Variants in ANXA7 observed in about 807,000 individuals in gnomAD.
The protein encoded by ANXA7 is annexin VII.
A neutral mutation model predicts 64.9 loss-of-function variants in ANXA7; 55 were observed. That is an observed-to-expected ratio of 0.85 (90% CI 0.68 to 1.06). The LOEUF (loss-of-function observed/expected upper bound fraction) is 1.06, where lower values mean the gene tolerates loss of function less well. ANXA7 is among the 50% of genes least tolerant of loss of function. ANXA7 has a pLI of 0.00. For synonymous variants in ANXA7, 200 were observed against 192.4 expected (o/e 1.04, Z -0.33); for missense variants, 548 against 582.1 (o/e 0.94, Z 0.60).
chr10:73,377,945 T>G (rs2055211152), intron 12 of ANXA7, among the ~76,000 whole-genome samples: 1 of 147,106 alleles, frequency 6.8e-6, no homozygotes, highest in Non-Finnish European at 1.5e-5. Flanking sequence ...GCGCGTGTGT[T>G]TTTTGTAGAA....
chr10:73,392,217 C>T (rs2055496018), intron 5 of ANXA7, among the ~76,000 whole-genome samples: 1 of 152,040 alleles, frequency 6.6e-6, no homozygotes, highest in South Asian at 2.1e-4. Context: ...AAGAGCCTAC[C>T]AACCAAAAAA....
intron 5 of ANXA7, among the ~76,000 whole-genome samples, chr10:73,388,733 T>C (rs749267536): frequency 3.9e-5 from 6 of 152,284 alleles, no homozygotes; most frequent in Non-Finnish European, 1.5e-5. Context: ...AAAAGAAGAC[T>C]GATCCCTGAA....
rs761340189 is a variant in ANXA7, at chr10:73,397,264, G to A, written c.270C>T (p.Gly90=). ...CACCTGGTGGGACTCCAAATCCTTG[G>A]CCTGGAGGAACTAGAGAAAAGAACA... The part of the protein sequence containing the change: ...GAPSYPGVPP[G]QGFGVPPGGA... Residue 90 remains glycine, a synonymous_variant, in exon 4 of 13, where the codon GGC becomes GGT. Transcript: ENST00000372921. The A allele has an allele frequency of 6.2e-7, 1 of 1,610,034 alleles. No homozygotes were observed. The highest frequency in any genetic ancestry group is 8.5e-7 in the Non-Finnish European group (1 of 1,177,340).
At chr10:73,378,438 G>GT (rs1020105320) in intron 12 of ANXA7, among the ~76,000 whole-genome samples, 15 of 147,392 alleles carry the variant, frequency 1.0e-4, no homozygotes, top group African/African-American at 3.5e-4. Flanking sequence ...AAAATTTTTT[G>GT]TAAGTGGAGT....
chr10:73,377,773 G>GGGGGGGTGTGTGTGTGT (rs1554815379), intron 12 of ANXA7, among the ~76,000 whole-genome samples: 9 of 124,846 alleles, frequency 7.2e-5, no homozygotes, highest in African/African-American at 2.6e-4. Flanking sequence ...GGTGGGTGTG[G>GGGGGGGTGTGTGTGTGT]GTGTGTGTGT....
chr10:73,413,420 G>A (rs1426349997), intron 1 of ANXA7, among the ~76,000 whole-genome samples: 1 of 152,144 alleles, frequency 6.6e-6, no homozygotes, highest in Non-Finnish European at 1.5e-5. Flanking sequence ...TGGTTTCCTT[G>A]CGCAGTGTTT....
intron 9 of ANXA7, among the ~76,000 whole-genome samples, chr10:73,382,711 C>T (rs1212615335): frequency 6.6e-6 from 1 of 152,098 alleles, no homozygotes; most frequent in Non-Finnish European, 1.5e-5. Context: ...TTCTCCAGCA[C>T]ACCTGGGGAA....
chr10:73,377,775 T>G (rs796534120), intron 12 of ANXA7, among the ~76,000 whole-genome samples: 1,420 of 115,738 alleles, frequency 0.012, 6 homozygotes, highest in African/African-American at 0.023. Flanking sequence ...TGGGTGTGGG[T>G]GTGTGTGTGT....
In ANXA7 at chr10:73,375,500, A is replaced by G. The variant is rs1361296262; in HGVS notation, c.*595T>C. On this transcript the variant is annotated 3_prime_UTR_variant, in exon 13 of 13. Transcript: ENST00000372921. ...ATTTAAAAAAAGAAAACAACTGCGA[A>G]AAAAAAGTAGGCTATGTATCTTAAG... 2.0e-5 allele frequency: 3 copies of G among 152,184 alleles called. No individual in the cohort carries two copies. The highest frequency in any genetic ancestry group is 7.2e-5 in the African/African-American group (3 of 41,450). 9.4% of individuals were successfully genotyped at this position (152,184 alleles called of 1,614,324 possible).
chr10:73,409,371 G>A (rs556161946), intron 1 of ANXA7, among the ~76,000 whole-genome samples: 2 of 152,188 alleles, frequency 1.3e-5, no homozygotes, highest in East Asian at 1.9e-4. Context: ...TACCAAAAAC[G>A]TCCAAGCTGA....
intron 5 of ANXA7, among the ~76,000 whole-genome samples, chr10:73,392,094 A>T (rs921492480): frequency 6.6e-6 from 1 of 152,176 alleles, no homozygotes; most frequent in Admixed American, 6.5e-5. Flanking sequence ...AAACTAGAAA[A>T]TCTAGAAGAG....
In ANXA7 at chr10:73,404,849, G is replaced by A. The variant is rs146607956; in HGVS notation, c.-1-3992C>T. Reference sequence around the variant, plus strand: ...CAAATCTAAAACACGGCCAGGCGCAGTAGTTCACGCCTGTAATCTGAGCAC... The same window carrying A: ...CAAATCTAAAACACGGCCAGGCGCAATAGTTCACGCCTGTAATCTGAGCAC... On this transcript the variant is annotated intron_variant, in intron 1 of 12. Coordinates refer to ENST00000372921, the MANE Select transcript of ANXA7 (RefSeq NM_001156.5). Among the ~76,000 whole-genome samples, 437 of 152,264 alleles carry A rather than the reference G, an allele frequency of 2.9e-3. 3 individuals are homozygous for A. The highest frequency in any genetic ancestry group is 4.9e-3 in the Non-Finnish European group (334 of 68,020).
chr10:73,405,547 C>T (rs1484767448), intron 1 of ANXA7, among the ~76,000 whole-genome samples: 1 of 152,078 alleles, frequency 6.6e-6, no homozygotes, highest in Non-Finnish European at 1.5e-5. Context: ...TCAACAACAA[C>T]AAAAAAATCT....
intron 5 of ANXA7, among the ~76,000 whole-genome samples, chr10:73,390,701 TATATATATATATATATATAAAA>T (rs1027517833): frequency 6.8e-5 from 9 of 133,018 alleles, no homozygotes; most frequent in African/African-American, 2.6e-4. Context: ...AAAATATATA[TATATATATATATATATATAAAA>T]ATATATATAT....
At chr10:73,378,862 A>G (rs368952338) in intron 12 of ANXA7, 49 bp downstream of exon 12, 11 of 1,399,986 alleles carry the variant, frequency 7.9e-6, no homozygotes, top group African/African-American at 7.1e-5. Context: ...TAAGAAATCA[A>G]CATTGAACAT....
chr10:73,390,334 T>C (rs999493925), intron 5 of ANXA7, among the ~76,000 whole-genome samples: 4 of 152,184 alleles, frequency 2.6e-5, no homozygotes, highest in South Asian at 2.1e-4. Flanking sequence ...AACACTTTTA[T>C]GGGTCAATAG....
intron 1 of ANXA7, among the ~76,000 whole-genome samples, chr10:73,405,759 G>A (rs991478662): frequency 2.0e-4 from 30 of 152,140 alleles, no homozygotes; most frequent in African/African-American, 3.4e-4. Flanking sequence ...AAGGTGAGAC[G>A]TAACTGTGAG....
chr10:73,381,077 GC>G (rs1447392832), intron 9 of ANXA7, among the ~76,000 whole-genome samples: 1 of 151,956 alleles, frequency 6.6e-6, no homozygotes, highest in Non-Finnish European at 1.5e-5. Flanking sequence ...TCACTATGTT[GC>G]CCAGGCTGGG....
At chr10:73,407,266 G>A (rs58942053) in intron 1 of ANXA7, among the ~76,000 whole-genome samples, 10,499 of 152,038 alleles carry the variant, frequency 0.069, 611 homozygotes, top group East Asian at 0.3. Context: ...TAATGGAGAC[G>A]GAGTTTCACC....
Sources: allele counts gnomAD v4.1 joint callset (sites outside exome capture counted in the v4.1 genomes callset), GRCh38; gene constraint gnomAD v4.1.1; transcripts MANE v1.5; gene names NCBI Gene and HGNC (gene_info 2026-07-23, HGNC 2026-07-21).